FOXE1: variants seen among roughly 807,000 people sequenced by gnomAD.
FOXE1 encodes the protein forkhead box E1, also known as forkhead box protein E1.
FOXE1 carries 4 observed loss-of-function variants against 2.1 expected under a neutral mutation model. The ratio of observed to expected loss-of-function variants is 1.91; its 90% CI spans 0.94 to 4.37. FOXE1 has a LOEUF of 4.37. Among genes scored for constraint, FOXE1 ranks in the 30% most tolerant of loss-of-function variants. FOXE1 has a pLI of 0.01. For synonymous variants in FOXE1, 277 were observed against 272.4 expected (o/e 1.02, Z -0.17); for missense variants, 574 against 583.3 (o/e 0.98, Z 0.16).
chr9:97,854,604 G>C lies in FOXE1; in HGVS notation c.690G>C (p.Arg230=). 1 of 1,359,600 alleles carries C rather than the reference G, an allele frequency of 7.4e-7. No individual in the cohort carries two copies. The highest frequency in any genetic ancestry group is 9.4e-7 in the Non-Finnish European group (1 of 1,062,830). 84.2% of individuals were successfully genotyped at this position (1,359,600 alleles called of 1,614,324 possible). A position where few individuals can be genotyped will look rare whatever the true frequency, so the allele number is the denominator to read the frequency against. ...GCGTCTTCGGCCTGGTTCCTGAGCGGCCGCTCAGCCCAGAGCTGGGGCCCG... is the reference window on the plus strand; with the variant it reads ...GCGTCTTCGGCCTGGTTCCTGAGCGCCCGCTCAGCCCAGAGCTGGGGCCCG... ...PCRVFGLVPE[R]PLSPELGPAP... Residue 230 remains arginine (R), a synonymous_variant, in exon 1 of 1, where the codon CGG becomes CGC. Coordinates refer to ENST00000375123, the MANE Select transcript of FOXE1 (RefSeq NM_004473.4).
chr9:97,854,712 C>T lies in FOXE1; in HGVS notation c.798C>T (p.Cys266=). The T allele has an allele frequency of 7.1e-7, 1 of 1,412,152 alleles. No individual in the cohort carries two copies. Among genetic ancestry groups the T allele is most frequent in the Non-Finnish European group, 9.1e-7 (1 of 1,094,804 alleles). The allele number at this position is 1,412,152 out of a possible 1,614,324, so 87.5% of individuals were successfully genotyped here. A position where few individuals can be genotyped will look rare whatever the true frequency, so the allele number is the denominator to read the frequency against. Residue 266 remains cysteine (C), a synonymous_variant, in exon 1 of 1, where the codon TGC becomes TGT. Coordinates refer to ENST00000375123, the MANE Select transcript of FOXE1 (RefSeq NM_004473.4). ...ATTTGYQPAG[C]TGARPANPSA... ...CCACCGGCTACCAGCCCGCAGGCTG[C>T]ACCGGGGCCCGGCCGGCCAACCCCT... is the stretch of plus-strand genomic sequence containing the variant.
Position 97,854,310 on chromosome 9 carries a change from C to G in FOXE1, c.396C>G (p.Asn132Lys). The change falls in exon 1 of 1, where the codon AAC (asparagine) becomes AAG (lysine). Residue 132 changes from asparagine to lysine, a missense_variant. Transcript: ENST00000375123. ...GKGNYWALDPNAEDMFESGSF... is the reference protein window; with the variant it reads ...GKGNYWALDPKAEDMFESGSF... ...GCAACTACTGGGCGCTTGACCCCAA[C>G]GCGGAGGACATGTTCGAGAGCGGCA... 6.2e-7 allele frequency: 1 copy of G among 1,610,640 alleles called. No homozygotes were observed. The highest frequency in any genetic ancestry group is 8.5e-7 in the Non-Finnish European group (1 of 1,178,610).
rs1830623916 is a variant in FOXE1, at chr9:97,853,900, C to T, written c.-15C>T. 3.1e-6 allele frequency: 4 copies of T among 1,273,098 alleles called. No individual in the cohort carries two copies. Among genetic ancestry groups the T allele is most frequent in the East Asian group, 3.2e-5 (1 of 30,970 alleles). The allele number at this position is 1,273,098 out of a possible 1,614,324, so 78.9% of individuals were successfully genotyped here. On this transcript the variant is annotated 5_prime_UTR_variant, in exon 1 of 1. Transcript: ENST00000375123. ...CGCGGGGATCCAGAGCCCGGGGGTG[C>T]GGGACGCCCGCGCCATGACTGCCGA... is the stretch of plus-strand genomic sequence containing the variant.
In FOXE1 at chr9:97,854,909, A is replaced by T; in HGVS notation, c.995A>T (p.Gln332Leu). The change falls in exon 1 of 1, where the codon CAG becomes CTG. Residue 332 changes from glutamine (Q) to leucine (L), a missense_variant. Physicochemically the swap from Gln to Leu is moderately radical, Grantham distance 113 (BLOSUM62 -2). This residue lies in a region of FOXE1 where 316 missense variants were observed against 288.4 expected (regional missense o/e 1.10). Coordinates refer to ENST00000375123, the MANE Select transcript of FOXE1 (RefSeq NM_004473.4). ...TTCTACGGGCGCACGTCGCCCGGCCAGTTCGGAGCGCTGGGAGCCTGCTAC... is the reference window on the plus strand; with the variant it reads ...TTCTACGGGCGCACGTCGCCCGGCCTGTTCGGAGCGCTGGGAGCCTGCTAC... ...VDFYGRTSPG[Q>L]FGALGACYNP... is the part of the protein sequence containing the mutation. 1 of 1,598,936 alleles carries T rather than the reference A, an allele frequency of 6.3e-7. No individual in the cohort carries two copies. Among genetic ancestry groups the T allele is most frequent in the Non-Finnish European group, 8.5e-7 (1 of 1,179,440 alleles).
rs1359925233 is a variant in FOXE1, at chr9:97,854,704, G to A, written c.790G>A (p.Ala264Thr). 1 of 1,410,564 alleles carries A rather than the reference G, an allele frequency of 7.1e-7. No homozygotes were observed. The highest frequency in any genetic ancestry group is 3.4e-5 in the Admixed American group (1 of 29,722). 87.4% of individuals were successfully genotyped at this position (1,410,564 alleles called of 1,614,324 possible). Residue 264 changes from alanine to threonine, a missense_variant, in exon 1 of 1, where the codon GCA (alanine) becomes ACA (threonine). Physicochemically the swap from Ala to Thr is moderately conservative, Grantham distance 58. Coordinates refer to ENST00000375123, the MANE Select transcript of FOXE1 (RefSeq NM_004473.4). ...APATTTGYQPAGCTGARPANP... is the reference protein window; with the variant it reads ...APATTTGYQPTGCTGARPANP... ...CGCTACCACCACCGGCTACCAGCCCGCAGGCTGCACCGGGGCCCGGCCGGC... is the reference window on the plus strand; with the variant it reads ...CGCTACCACCACCGGCTACCAGCCCACAGGCTGCACCGGGGCCCGGCCGGC...
Sources: gnomAD v4.1 joint callset for allele counts on GRCh38, gnomAD v4.1.1 for gene constraint, gnomAD v4.1.1 regional missense constraint, MANE v1.5 for transcripts, NCBI Gene and HGNC (gene_info 2026-07-23, HGNC 2026-07-21) for gene names.